Variants in N4BP2L2 observed in about 807,000 individuals in gnomAD.
N4BP2L2 encodes NEDD4 binding protein 2 like 2.
Under a neutral mutation model 56.2 loss-of-function variants are expected in N4BP2L2, and 50 were observed. The observed-to-expected ratio is 0.89, with a 90% CI of 0.71 to 1.13. The LOEUF is 1.13. Ranked by LOEUF, N4BP2L2 falls within the 50% of genes most tolerant of loss-of-function variation. N4BP2L2 has a pLI of 0.00. For synonymous variants in N4BP2L2, 203 were observed against 223.6 expected (o/e 0.91, Z 0.82); for missense variants, 689 against 693.8 (o/e 0.99, Z 0.08).
intron 6 of N4BP2L2, among the ~76,000 whole-genome samples, chr13:32,498,544 G>C (rs1264551491): frequency 1.3e-5 from 2 of 151,820 alleles, no homozygotes; most frequent in African/African-American, 4.8e-5. Context: ...GTTTTGCCAT[G>C]TTGGCCAGGC....
intron 6 of N4BP2L2, chr13:32,444,191 ACAT>A: frequency 8.2e-7 from 1 of 1,225,222 alleles, no homozygotes; most frequent in South Asian, 2.0e-5. Flanking sequence ...GCAAACTATA[ACAT>A]CATACTCTTC....
In N4BP2L2 at chr13:32,526,818, G is replaced by GTTTTTTTTTTTTTTTTTTTTTTTTTT. The variant is rs35925361; in HGVS notation, c.1384+564_1384+589dup. Reference sequence around the variant, plus strand: ...CTGAGGCCAGGCACACTTTTTGTCTGTTTTTTTTTTTTTTTTTTTTTTTTT... The same window carrying GTTTTTTTTTTTTTTTTTTTTTTTTTT: ...CTGAGGCCAGGCACACTTTTTGTCTGTTTTTTTTTTTTTTTTTTTTTTTTTTTTTTTTTTTTTTTTTTTTTTTTTTT... On this transcript the variant is annotated intron_variant, in intron 3 of 5. Coordinates refer to ENST00000267068, the Ensembl canonical transcript of N4BP2L2. The GTTTTTTTTTTTTTTTTTTTTTTTTTT allele has an allele frequency of 4.5e-4, 11 of 24,244 alleles. 4 individuals are homozygous for GTTTTTTTTTTTTTTTTTTTTTTTTTT. Among genetic ancestry groups the GTTTTTTTTTTTTTTTTTTTTTTTTTT allele is most frequent in the East Asian group, 1.6e-3 (1 of 642 alleles). 1.5% of individuals were successfully genotyped at this position (24,244 alleles called of 1,614,324 possible). A position where few individuals can be genotyped will look rare whatever the true frequency, so the allele number is the denominator to read the frequency against.
Position 32,465,936 on chromosome 13 carries a change from G to A in N4BP2L2, c.366-21810C>T, listed in dbSNP as rs536588983. The stretch of plus-strand genomic sequence containing the variant: ...CAAAGTGTTGGGATTATAGGCGTGA[G>A]CCACCACGCCTGGCCTAGTTTTGTT... On this transcript the variant is annotated intron_variant, in intron 6 of 9. Coordinates refer to the N4BP2L2 transcript ENST00000357505. 7.2e-5 allele frequency among the ~76,000 whole-genome samples: 11 copies of A among 152,288 alleles called. No homozygotes were observed. The South Asian group carries it at 2.3e-3, about 32-fold the overall frequency.
intron 3 of N4BP2L2, chr13:32,522,801 T>C (rs2051362774): frequency 1.3e-5 from 2 of 152,254 alleles, no homozygotes; most frequent in Admixed American, 1.3e-4. Context: ...TAATATTTTA[T>C]CTGTATTTTC....
At chr13:32,461,859 C>G (rs1162154037) in intron 6 of N4BP2L2, among the ~76,000 whole-genome samples, 2 of 152,166 alleles carry the variant, frequency 1.3e-5, no homozygotes, top group Non-Finnish European at 2.9e-5. Flanking sequence ...ACCTTGGCCT[C>G]CCAATGTGCT....
intron 6 of N4BP2L2, among the ~76,000 whole-genome samples, chr13:32,455,284 T>A (rs2078788612): frequency 6.6e-6 from 1 of 152,160 alleles, no homozygotes; most frequent in South Asian, 2.1e-4. Flanking sequence ...GCATGCGCAG[T>A]GTACCACACT....
At chr13:32,475,663 G>A (rs1396312013) in intron 6 of N4BP2L2, among the ~76,000 whole-genome samples, 1 of 152,138 alleles carries the variant, frequency 6.6e-6, no homozygotes, top group East Asian at 1.9e-4. Context: ...CCTCCATCTT[G>A]AACATGATTG....
At chr13:32,529,683 T>A (rs1350930938) in intron 2 of N4BP2L2, among the ~76,000 whole-genome samples, 1 of 151,990 alleles carries the variant, frequency 6.6e-6, no homozygotes, top group Non-Finnish European at 1.5e-5. Context: ...CGTTTTGTTT[T>A]GTTTTTTCCA....
At chr13:32,500,326 C>CT (rs1239161269) in intron 6 of N4BP2L2, among the ~76,000 whole-genome samples, 1 of 152,124 alleles carries the variant, frequency 6.6e-6, no homozygotes, top group Non-Finnish European at 1.5e-5. Flanking sequence ...GCTACCTATC[C>CT]TGTCTACAAA....
intron 6 of N4BP2L2, among the ~76,000 whole-genome samples, chr13:32,497,808 A>C (rs2089092922): frequency 6.6e-6 from 1 of 152,246 alleles, no homozygotes. Flanking sequence ...GTGGCCTCCC[A>C]GTTGATACAA....
At chr13:32,473,034 A>G (rs955143399) in intron 6 of N4BP2L2, among the ~76,000 whole-genome samples, 3 of 152,284 alleles carry the variant, frequency 2.0e-5, no homozygotes, top group African/African-American at 7.2e-5. Flanking sequence ...TAATCCCAGC[A>G]CTTTGGGAGG....
chr13:32,456,899 G>A (rs1483208985), intron 6 of N4BP2L2, among the ~76,000 whole-genome samples: 1 of 152,202 alleles, frequency 6.6e-6, no homozygotes, highest in Non-Finnish European at 1.5e-5. Context: ...ACCTTGGGAG[G>A]CTGAGGTGAG....
exon 6 of N4BP2L2, chr13:32,517,210 T>G (rs2049432256): frequency 2.0e-6 from 2 of 985,594 alleles, no homozygotes; most frequent in Non-Finnish European, 2.4e-6. Context: ...ATGCATATTA[T>G]GAAGAAAACT....
chr13:32,524,313 A>G (rs2051992310), intron 3 of N4BP2L2: 1 of 152,220 alleles, frequency 6.6e-6, no homozygotes, highest in African/African-American at 2.4e-5. Context: ...AGGCTCACAC[A>G]TCCAAGGAGT....
intron 7 of N4BP2L2, among the ~76,000 whole-genome samples, chr13:32,439,854 TCCAAAAAAAAA>T (rs2076023131): frequency 2.3e-5 from 1 of 43,470 alleles, no homozygotes. Flanking sequence ...CTATTAAGAA[TCCAAAAAAAAA>T]AAAAAAAAAA....
chr13:32,468,662 C>T (rs1435155975), intron 6 of N4BP2L2, among the ~76,000 whole-genome samples: 5 of 152,136 alleles, frequency 3.3e-5, no homozygotes, highest in Non-Finnish European at 5.9e-5. Context: ...CAGAGTGACT[C>T]GGTGAGTTTA....
intron 6 of N4BP2L2, among the ~76,000 whole-genome samples, chr13:32,456,364 C>T (rs963331707): frequency 2.0e-5 from 3 of 152,172 alleles, no homozygotes; most frequent in African/African-American, 7.2e-5. Flanking sequence ...ACCATAGATA[C>T]ATCCTTAGGA....
At chr13:32,434,390 GC>G (rs779729003) in intron 9 of N4BP2L2, among the ~76,000 whole-genome samples, 13 of 151,662 alleles carry the variant, frequency 8.6e-5, no homozygotes, top group Non-Finnish European at 1.5e-4. Flanking sequence ...GAGCCACCGT[GC>G]CCGGCCAGTT....
intron 6 of N4BP2L2, among the ~76,000 whole-genome samples, chr13:32,501,365 T>C (rs1182023434): frequency 6.6e-6 from 1 of 151,956 alleles, no homozygotes; most frequent in Non-Finnish European, 1.5e-5. Context: ...AATGTCTCCA[T>C]GAAAACCGAG....
Sources: gnomAD v4.1 joint callset for allele counts (sites outside exome capture counted in the v4.1 genomes callset) on GRCh38, gnomAD v4.1.1 for gene constraint, MANE v1.5 for transcripts, NCBI Gene and HGNC (gene_info 2026-07-23, HGNC 2026-07-21) for gene names.